The following ANO1 variants were observed in gnomAD, a reference collection of about 807,000 sequenced individuals.
ANO1 encodes anoctamin 1, also known as anoctamin-1.
ANO1 carries 59 observed loss-of-function variants against 124.0 expected under a neutral mutation model. That is an observed-to-expected ratio of 0.48 (90% confidence interval 0.39 to 0.59). The LOEUF (loss-of-function observed/expected upper bound fraction) is 0.59, where lower values mean the gene tolerates loss of function less well. Among genes scored for constraint, ANO1 ranks in the 20% least tolerant of loss-of-function variants. The pLI, the probability that ANO1 is intolerant of heterozygous loss-of-function variation, is 0.00. For missense variants in ANO1, 1,059 were observed against 1,328.0 expected, an observed-to-expected ratio of 0.80 and a Z score of 3.15; for synonymous variants, 529 against 532.0, an observed-to-expected ratio of 0.99 and a Z score of 0.08.
chr11:69,981,459 A>C (rs184232359), upstream of ANO1, among the ~76,000 whole-genome samples: 206 of 152,338 alleles, frequency 1.4e-3, 1 homozygote, highest in Middle Eastern at 0.014. Context: ...TTTGTTAAAT[A>C]AACAGACTTG....
intron 2 of ANO1, among the ~76,000 whole-genome samples, chr11:70,102,525 A>G (rs892450944): frequency 6.6e-6 from 1 of 152,216 alleles, no homozygotes; most frequent in Non-Finnish European, 1.5e-5. Flanking sequence ...GGATGAAGTC[A>G]GTGCAGATAC....
chr11:70,044,970 A>C (rs1331602458), intron 1 of ANO1, among the ~76,000 whole-genome samples: 1 of 152,242 alleles, frequency 6.6e-6, no homozygotes, highest in Non-Finnish European at 1.5e-5. Context: ...TCAAACATAA[A>C]GAAATATTCA....
chr11:70,147,914 C>T (rs1195672101), intron 11 of ANO1, among the ~76,000 whole-genome samples: 3 of 152,178 alleles, frequency 2.0e-5, no homozygotes, highest in African/African-American at 7.2e-5. Flanking sequence ...ATTGCCTGTG[C>T]GAGCAAGTCT....
the ANO1 span, among the ~76,000 whole-genome samples, chr11:69,978,641 G>A: frequency 7.9e-5 from 12 of 152,224 alleles, no homozygotes; most frequent in East Asian, 1.9e-4. Flanking sequence ...GTAAGCTACC[G>A]CACCCTGCCC....
chr11:70,186,101 C>T (rs2049107305), intron 25 of ANO1, among the ~76,000 whole-genome samples: 1 of 152,064 alleles, frequency 6.6e-6, no homozygotes, highest in Non-Finnish European at 1.5e-5. Flanking sequence ...GCCTGGCCAA[C>T]ATGGTGAAAC....
intron 1 of ANO1, among the ~76,000 whole-genome samples, chr11:69,993,294 A>T (rs1856191690): frequency 6.6e-6 from 1 of 152,196 alleles, no homozygotes; most frequent in African/African-American, 2.4e-5. Flanking sequence ...TCTGGTGTGT[A>T]ATGATTTTTT....
At chr11:70,002,696 C>T (rs4980721) in intron 1 of ANO1, among the ~76,000 whole-genome samples, 73,928 of 151,824 alleles carry the variant, frequency 0.49, 19,262 homozygotes, top group East Asian at 0.89. Context: ...TGCATGACTG[C>T]ATTTTCTAAT....
At chr11:70,035,840 C>T (rs1228756856) in intron 1 of ANO1, among the ~76,000 whole-genome samples, 1 of 152,138 alleles carries the variant, frequency 6.6e-6, no homozygotes, top group East Asian at 1.9e-4. Flanking sequence ...CATGTCCCTG[C>T]AAAGCATATG....
intron 1 of ANO1, among the ~76,000 whole-genome samples, chr11:70,003,037 A>G (rs1856415453): frequency 6.6e-6 from 1 of 152,208 alleles, no homozygotes. Context: ...AGATTAGAAA[A>G]AAAGAAACAA....
At chr11:70,156,810 T>C in intron 15 of ANO1, 137 bp from the exon 16 acceptor site, 1 of 714,910 alleles carries the variant, frequency 1.4e-6, no homozygotes, top group East Asian at 2.8e-5. Flanking sequence ...GTGGGCATTT[T>C]TGAGGTTTTT....
At chr11:70,039,335 A>G (rs1192255581) in intron 1 of ANO1, among the ~76,000 whole-genome samples, 1 of 152,200 alleles carries the variant, frequency 6.6e-6, no homozygotes, top group Non-Finnish European at 1.5e-5. Context: ...GAAACCTGCC[A>G]TCTTCTGGCC....
At chr11:70,055,053 G>C (rs1299764943) in intron 1 of ANO1, among the ~76,000 whole-genome samples, 1 of 152,100 alleles carries the variant, frequency 6.6e-6, no homozygotes, top group Non-Finnish European at 1.5e-5. Flanking sequence ...TCCAAACGCT[G>C]AGTTTTTTTA....
At position 70,188,207 on chromosome 11, in the gene ANO1, A is replaced by C. The variant is rs530398975; in HGVS notation, c.*203A>C. The C allele has an allele frequency of 7.7e-6, 5 of 647,720 alleles. No homozygotes were observed. Among genetic ancestry groups the C allele is most frequent in the Non-Finnish European group, 1.3e-5 (5 of 383,564 alleles). 40.1% of individuals were successfully genotyped at this position (647,720 alleles called of 1,614,324 possible). On this transcript the variant is annotated 3_prime_UTR_variant, in exon 26 of 26. Coordinates refer to ENST00000355303, the MANE Select transcript of ANO1 (RefSeq NM_018043.7). Reference sequence around the variant, plus strand: ...TTTTGCACAAAGCCATTATGCAGGGAATATTTTTTAATCTGTAGTATTCAA... The same window carrying C: ...TTTTGCACAAAGCCATTATGCAGGGCATATTTTTTAATCTGTAGTATTCAA...
intron 1 of ANO1, among the ~76,000 whole-genome samples, chr11:70,042,139 T>C (rs1242985120): frequency 6.6e-6 from 1 of 152,040 alleles, no homozygotes; most frequent in Non-Finnish European, 1.5e-5. Context: ...ATTCTGACCA[T>C]AATGTAGTAA....
chr11:69,998,310 C>A (rs1856313483), intron 1 of ANO1, among the ~76,000 whole-genome samples: 1 of 152,246 alleles, frequency 6.6e-6, no homozygotes, highest in Admixed American at 6.5e-5. Flanking sequence ...CCTCTTGCCC[C>A]TTCCCCACCA....
intron 1 of ANO1, among the ~76,000 whole-genome samples, chr11:69,997,854 G>A (rs10751235): frequency 0.87 from 132,690 of 152,114 alleles, 58,446 homozygotes; most frequent in East Asian, 0.99. Flanking sequence ...GCCTTCCGCC[G>A]TGAGTAAAAG....
intron 8 of ANO1, among the ~76,000 whole-genome samples, chr11:70,121,974 G>A (rs1253848808): frequency 3.7e-5 from 5 of 134,884 alleles, no homozygotes; most frequent in Non-Finnish European, 7.7e-5. Flanking sequence ...ACCTCTCTCT[G>A]TCTGTCTGTC....
rs1393322704 is a variant in ANO1 at position 70,095,391 on chromosome 11, AAAG to A, written c.441+7310_441+7312del. ...GAAAGAAAGAAAGAAAGAAAGAAAG[AAAG>A]AAAGAAAGAAAGAAAGAAAGAAAGA... On this transcript the variant is annotated intron_variant, in intron 2 of 25. Coordinates refer to ENST00000355303, the MANE Select transcript of ANO1 (RefSeq NM_018043.7). Among the ~76,000 whole-genome samples, 38 of 37,532 alleles carry A rather than the reference AAAG, an allele frequency of 1.0e-3. 3 individuals carry two copies. The highest frequency in any genetic ancestry group is 2.0e-3 in the Admixed American group (6 of 2,970). The allele number at this position is 37,532 out of a possible 152,430, so 24.6% of individuals were successfully genotyped here.
intron 1 of ANO1, among the ~76,000 whole-genome samples, chr11:70,052,963 T>A (rs1196008285): frequency 6.6e-6 from 1 of 152,242 alleles, no homozygotes; most frequent in Non-Finnish European, 1.5e-5. Flanking sequence ...TTGGTGATTT[T>A]TCTTTATTGA....
Sources: allele counts gnomAD v4.1 joint callset (sites outside exome capture counted in the v4.1 genomes callset), GRCh38; gene constraint gnomAD v4.1.1; transcripts MANE v1.5; gene names NCBI Gene and HGNC (gene_info 2026-07-23, HGNC 2026-07-21).